Variants in PTPA observed in about 807,000 individuals in gnomAD.
PTPA encodes protein phosphatase 2 phosphatase activator, also known as serine/threonine-protein phosphatase 2A activator.
Under a neutral mutation model 43.6 loss-of-function variants are expected in PTPA, and 13 were observed. The observed-to-expected ratio is 0.30, with a 90% confidence interval of 0.19 to 0.47. The LOEUF is 0.47. Among genes scored for constraint, PTPA ranks in the 20% least tolerant of loss-of-function variants. The probability of loss-of-function intolerance (pLI) is 0.99; values close to 1 mark genes in which losing one functional copy is unlikely to be tolerated. For missense variants in PTPA, 329 were observed against 411.9 expected (o/e 0.80, Z 1.74); for synonymous variants, 172 against 158.2 (o/e 1.09, Z -0.66).
At chr9:129,145,923 C>T (rs375177921) in intron 9 of PTPA, among the ~76,000 whole-genome samples, 1 of 152,150 alleles carries the variant, frequency 6.6e-6, no homozygotes, top group Non-Finnish European at 1.5e-5. Context: ...CTGGAGGCTC[C>T]TCCTGCCCTG....
At chr9:129,141,801 C>T (rs544091157) in intron 8 of PTPA, 1 of 152,476 alleles carries the variant, frequency 6.6e-6, no homozygotes, top group East Asian at 1.9e-4. Context: ...CATCGGCCCT[C>T]TCTTCCCTGC....
At chr9:129,131,864 A>C (rs976409680) in intron 5 of PTPA, among the ~76,000 whole-genome samples, 23 of 152,064 alleles carry the variant, frequency 1.5e-4, no homozygotes, top group Middle Eastern at 3.2e-3. Context: ...CACCAGGGGG[A>C]GCTGATGCCC....
chr9:129,112,813 C>T (rs1387698625), intron 1 of PTPA, among the ~76,000 whole-genome samples: 1 of 152,060 alleles, frequency 6.6e-6, no homozygotes, highest in Non-Finnish European at 1.5e-5. Context: ...TGGTGACACA[C>T]GCCCGTAATC....
chr9:129,129,947 C>G (rs1849849627), intron 4 of PTPA, among the ~76,000 whole-genome samples: 1 of 152,110 alleles, frequency 6.6e-6, no homozygotes, highest in Admixed American at 6.6e-5. Context: ...TTGGTCCCAG[C>G]TGCTTGGGTG....
intron 4 of PTPA, among the ~76,000 whole-genome samples, chr9:129,129,430 T>C (rs1849802388): frequency 6.6e-6 from 1 of 152,034 alleles, no homozygotes; most frequent in African/African-American, 2.4e-5. Flanking sequence ...TATCATGGAG[T>C]ACTGTGCAGC....
intron 1 of PTPA, 89 bp from the exon 2 acceptor site, chr9:129,120,424 C>CA (rs371354137): frequency 0.15 from 94,563 of 635,478 alleles, 2,405 homozygotes; most frequent in African/African-American, 0.37. Flanking sequence ...AACTCCGTCT[C>CA]AAGAAAAAAA....
chr9:129,139,175 C>T (rs1850588529), intron 8 of PTPA, among the ~76,000 whole-genome samples: 1 of 152,204 alleles, frequency 6.6e-6, no homozygotes. Context: ...CATGCCAGGC[C>T]TGGCCTCCAG....
chr9:129,131,351 T>G (rs1849953388), intron 4 of PTPA, among the ~76,000 whole-genome samples, 171 bp from the exon 5 acceptor site: 1 of 152,234 alleles, frequency 6.6e-6, no homozygotes, highest in East Asian at 1.9e-4. Flanking sequence ...AGTCTTCTGC[T>G]GTGGAAGAAT....
intron 9 of PTPA, chr9:129,143,104 G>C (rs893390698): frequency 4.6e-6 from 3 of 650,892 alleles, no homozygotes; most frequent in Non-Finnish European, 7.8e-6. Context: ...GAGGAGAGGA[G>C]AGCTGAGGCT....
At chr9:129,125,859 T>C (rs1381730986) in intron 3 of PTPA, among the ~76,000 whole-genome samples, 1 of 152,218 alleles carries the variant, frequency 6.6e-6, no homozygotes, top group East Asian at 1.9e-4. Flanking sequence ...CATAGAAAGC[T>C]AGCTTTTGGC....
At chr9:129,116,064 G>C (rs1317710841) in intron 1 of PTPA, among the ~76,000 whole-genome samples, 3 of 149,286 alleles carry the variant, frequency 2.0e-5, no homozygotes, top group African/African-American at 7.4e-5. Flanking sequence ...TCTGTCGCCT[G>C]GTCTGGAGTG....
chr9:129,144,202 G>A (rs1377385005), intron 9 of PTPA, among the ~76,000 whole-genome samples: 1 of 151,824 alleles, frequency 6.6e-6, no homozygotes, highest in African/African-American at 2.4e-5. Context: ...TATTCGGATT[G>A]AAAATGGTGA....
At chr9:129,144,857 A>C (rs1243144049) in intron 9 of PTPA, among the ~76,000 whole-genome samples, 2 of 151,240 alleles carry the variant, frequency 1.3e-5, no homozygotes, top group Non-Finnish European at 2.9e-5. Flanking sequence ...ACATGAGGAA[A>C]CCCCGTCTCT....
chr9:129,111,127 T>C (rs1376727905), upstream of PTPA: 2 of 1,309,934 alleles, frequency 1.5e-6, no homozygotes, highest in Non-Finnish European at 2.1e-6. Context: ...GGGAATGTCC[T>C]CTAATATTCC....
Position 129,147,562 on chromosome 9 carries a change from C to G in PTPA, c.*98C>G. ...CCCCATCCCCTCCCTCTGTTCGTCC[C>G]GTTTGATGAGAGGCTGTTTACTGGG... On this transcript the variant is annotated 3_prime_UTR_variant, in exon 10 of 10. Transcript: ENST00000393370. 7.7e-7 allele frequency: 1 copy of G among 1,299,960 alleles called. No individual in the cohort carries two copies. Among genetic ancestry groups the G allele is most frequent in the Non-Finnish European group, 1.1e-6 (1 of 925,350 alleles). The allele number at this position is 1,299,960 out of a possible 1,614,324, so 80.5% of individuals were successfully genotyped here. A position where few individuals can be genotyped will look rare whatever the true frequency, so the allele number is the denominator to read the frequency against.
intron 1 of PTPA, among the ~76,000 whole-genome samples, chr9:129,112,449 G>A (rs1848592023): frequency 6.6e-6 from 1 of 152,184 alleles, no homozygotes; most frequent in Non-Finnish European, 1.5e-5. Context: ...TGTTTTGAAA[G>A]CATTTGATAT....
rs759508827 is a variant in PTPA at position 129,123,155 on chromosome 9, G to A, written c.216+17G>A. On this transcript the variant is annotated intron_variant, in intron 3 of 9. Coordinates refer to ENST00000393370, the MANE Select transcript of PTPA (RefSeq NM_178000.3). The stretch of plus-strand genomic sequence containing the variant: ...GTCTCCGAGGTAGGCCCAAGGAGGA[G>A]CTGCTGCAGCAGCCTTTCCAAAAAT... 19 of 1,582,554 alleles carry A rather than the reference G, an allele frequency of 1.2e-5. No individual in the cohort carries two copies. Among genetic ancestry groups the A allele is most frequent in the Non-Finnish European group, 1.5e-5 (17 of 1,152,830 alleles).
chr9:129,147,601 A>G lies in PTPA; in HGVS notation c.*137A>G. On this transcript the variant is annotated 3_prime_UTR_variant, in exon 10 of 10. Coordinates refer to ENST00000393370, the MANE Select transcript of PTPA (RefSeq NM_178000.3). ...CTGTTTACTGGGGTGGGGTGGCGAG[A>G]TGGGCTTGAGGGGGCTCAGAGCATA... 1 of 970,618 alleles carries G rather than the reference A, an allele frequency of 1.0e-6. No individual in the cohort carries two copies. Among genetic ancestry groups the G allele is most frequent in the South Asian group, 1.5e-5 (1 of 65,458 alleles). The allele number at this position is 970,618 out of a possible 1,614,324, so 60.1% of individuals were successfully genotyped here.
upstream of PTPA, chr9:129,111,287 C>T: frequency 8.4e-7 from 1 of 1,185,504 alleles, no homozygotes; most frequent in South Asian, 2.1e-5. Flanking sequence ...CGGCCGTGAG[C>T]GGTCCTAGCG....
Sources: gnomAD v4.1 joint callset for allele counts (sites outside exome capture counted in the v4.1 genomes callset) on GRCh38, gnomAD v4.1.1 for gene constraint, MANE v1.5 for transcripts, NCBI Gene and HGNC (gene_info 2026-07-23, HGNC 2026-07-21) for gene names.